The following DNAJC5B variants were observed in gnomAD, a reference collection of about 807,000 sequenced individuals.
DNAJC5B encodes the protein DnaJ heat shock protein family (Hsp40) member C5 beta.
In DNAJC5B, 23 loss-of-function variants were observed where a neutral mutation model predicts 24.7. The observed-to-expected ratio is 0.93, with a 90% CI of 0.67 to 1.32. The LOEUF (loss-of-function observed/expected upper bound fraction) is 1.32. Among genes scored for constraint, DNAJC5B ranks in the 40% most tolerant of loss-of-function variants. The probability of loss-of-function intolerance (pLI) is 0.00; values close to 1 mark genes in which losing one functional copy is unlikely to be tolerated. For synonymous variants in DNAJC5B, 101 were observed against 90.1 expected, an observed-to-expected ratio of 1.12 and a Z score of -0.68; for missense variants, 238 against 240.8, an observed-to-expected ratio of 0.99 and a Z score of 0.08.
intron 5 of DNAJC5B, among the ~76,000 whole-genome samples, chr8:66,087,388 A>T (rs1160550506): frequency 6.6e-6 from 1 of 152,148 alleles, no homozygotes; most frequent in East Asian, 1.9e-4. Context: ...TTTGATAGGG[A>T]CGCAGAGCCA....
At chr8:66,026,044 C>T (rs886496063) in intron 1 of DNAJC5B, among the ~76,000 whole-genome samples, 1 of 114,382 alleles carries the variant, frequency 8.7e-6, no homozygotes, top group Non-Finnish European at 1.6e-5. Flanking sequence ...ATTGATTCTT[C>T]CTACCCATGA....
At chr8:66,067,052 T>A (rs1329801591) in intron 3 of DNAJC5B, among the ~76,000 whole-genome samples, 1 of 152,104 alleles carries the variant, frequency 6.6e-6, no homozygotes, top group Non-Finnish European at 1.5e-5. Flanking sequence ...GGGATTAACA[T>A]ATAGTTGAAA....
chr8:66,032,801 T>C (rs1280677930), intron 1 of DNAJC5B, among the ~76,000 whole-genome samples: 2 of 152,206 alleles, frequency 1.3e-5, no homozygotes, highest in African/African-American at 4.8e-5. Flanking sequence ...TGTTCCTCAT[T>C]TTCCATTTCC....
At chr8:66,036,860 C>T (rs778379612) in intron 1 of DNAJC5B, among the ~76,000 whole-genome samples, 6 of 152,182 alleles carry the variant, frequency 3.9e-5, no homozygotes, top group Non-Finnish European at 8.8e-5. Flanking sequence ...GGGCCACTTG[C>T]TGGATGTTCA....
chr8:66,071,246 A>T lies in DNAJC5B; in HGVS notation c.120-5414A>T, dbSNP rs140195132. On this transcript the variant is annotated intron_variant, in intron 3 of 5. Coordinates refer to ENST00000276570, the MANE Select transcript of DNAJC5B (RefSeq NM_033105.6). ...GCTCTGCACAGCAAAAGAAACTAGC[A>T]TCAGAGTGAACAGGCAACCTACAGA... Among the ~76,000 whole-genome samples, 368 of 152,376 alleles carry T rather than the reference A, an allele frequency of 2.4e-3. 3 individuals carry two copies. In the South Asian group the frequency reaches 0.028, roughly 12 times the overall value.
chr8:66,100,130 TTCC>T lies in DNAJC5B; in HGVS notation c.*100_*102del. ...GTGGGGCATAAAGTGCTGTGAACTT[TTCC>T]ATCTTGTTGTTTTATTTTTGGGTTA... is the stretch of plus-strand genomic sequence containing the variant. On this transcript the variant is annotated 3_prime_UTR_variant, in exon 6 of 6. Coordinates refer to ENST00000276570, the MANE Select transcript of DNAJC5B (RefSeq NM_033105.6). The T allele has an allele frequency of 1.0e-6, 1 of 967,552 alleles. No individual in the cohort carries two copies. The highest frequency in any genetic ancestry group is 2.0e-5 in the South Asian group (1 of 49,444). 59.9% of individuals were successfully genotyped at this position (967,552 alleles called of 1,614,324 possible).
intron 1 of DNAJC5B, among the ~76,000 whole-genome samples, chr8:66,026,615 C>T (rs1269392762): frequency 6.6e-6 from 1 of 152,266 alleles, no homozygotes; most frequent in African/African-American, 2.4e-5. Flanking sequence ...CCCAGCCCAG[C>T]CCCCATGCCC....
At chr8:66,045,633 C>T (rs182702693) in intron 2 of DNAJC5B, among the ~76,000 whole-genome samples, 2 of 151,498 alleles carry the variant, frequency 1.3e-5, no homozygotes, top group African/African-American at 4.9e-5. Flanking sequence ...GAAAGACAGG[C>T]TCCAGGCTGT....
rs760013103 is a variant in DNAJC5B at position 66,099,991 on chromosome 8, TA to T, written c.562del (p.Ile188SerfsTer44). On this transcript the variant is annotated frameshift_variant, in exon 6 of 6. Coordinates refer to ENST00000276570, the MANE Select transcript of DNAJC5B (RefSeq NM_033105.6). LOFTEE classifies it high-confidence loss of function. ...QPTNANEKTQ[L>X]IKEGSRSYCT... ...ACAAATGCAAATGAGAAAACACAGC[TA>T]ATCAAAGAAGGATCTCGAAGTTATT... 1 of 1,614,050 alleles carries T rather than the reference TA, an allele frequency of 6.2e-7. No homozygotes were observed. The highest frequency in any genetic ancestry group is 2.2e-5 in the East Asian group (1 of 44,882).
chr8:66,073,934 A>G (rs891530144), intron 3 of DNAJC5B, among the ~76,000 whole-genome samples: 2 of 152,212 alleles, frequency 1.3e-5, no homozygotes, highest in Admixed American at 1.3e-4. Context: ...AAATTGGTTA[A>G]TTCAGTAAAT....
intron 4 of DNAJC5B, among the ~76,000 whole-genome samples, chr8:66,077,857 T>G (rs1807504893): frequency 6.6e-6 from 1 of 152,254 alleles, no homozygotes. Flanking sequence ...GTTCTGTTTC[T>G]CAGGGATACC....
intron 3 of DNAJC5B, among the ~76,000 whole-genome samples, chr8:66,067,855 C>A (rs1807255153): frequency 6.6e-6 from 1 of 152,178 alleles, no homozygotes; most frequent in Non-Finnish European, 1.5e-5. Flanking sequence ...TTGTCCCCAC[C>A]AAGTTCTGCT....
chr8:66,067,431 T>A (rs1473249739), intron 3 of DNAJC5B, among the ~76,000 whole-genome samples: 2 of 152,074 alleles, frequency 1.3e-5, no homozygotes, highest in Non-Finnish European at 2.9e-5. Context: ...TAGAAGGAAA[T>A]CTTCTGTGGT....
At chr8:66,076,602 G>T in intron 3 of DNAJC5B, 58 bp from the exon 4 acceptor site, 3 of 1,580,164 alleles carry the variant, frequency 1.9e-6, no homozygotes. Flanking sequence ...CTTCTAAAAC[G>T]CCATGGTTCA....
At chr8:66,022,895 T>C (rs954740916) in intron 1 of DNAJC5B, among the ~76,000 whole-genome samples, 5 of 152,220 alleles carry the variant, frequency 3.3e-5, no homozygotes, top group Admixed American at 1.3e-4. Context: ...TGGCCCAGTT[T>C]TTAGGCTTCC....
chr8:66,048,815 C>A (rs1316453456), intron 2 of DNAJC5B, among the ~76,000 whole-genome samples: 2 of 152,184 alleles, frequency 1.3e-5, no homozygotes, highest in East Asian at 1.9e-4. Flanking sequence ...CAGGCTTCAC[C>A]TTTTCTGCGA....
At chr8:66,090,942 A>G (rs1187051228) in intron 5 of DNAJC5B, among the ~76,000 whole-genome samples, 1 of 152,210 alleles carries the variant, frequency 6.6e-6, no homozygotes. Flanking sequence ...TGAAAATATC[A>G]AGCAAGCACC....
chr8:66,020,688 A>AGTGCAGTG (rs1368456471), upstream of DNAJC5B, among the ~76,000 whole-genome samples: 2 of 149,876 alleles, frequency 1.3e-5, no homozygotes. Flanking sequence ...TCCAGGCTGG[A>AGTGCAGTG]GTGCAGTGGT....
At position 66,045,854 on chromosome 8, in the gene DNAJC5B, C is replaced by T. The variant is rs144866906; in HGVS notation, c.-18+2243C>T. Among the ~76,000 whole-genome samples, 302 of 152,294 alleles carry T rather than the reference C, an allele frequency of 2.0e-3. 3 individuals carry two copies. Among genetic ancestry groups the T allele is most frequent in the African/African-American group, 6.9e-3 (288 of 41,564 alleles). On this transcript the variant is annotated intron_variant, in intron 2 of 5. Transcript: ENST00000276570. ...CAGGCACCCTCAACTCCAGAAACCT[C>T]GGAGTCTTCCTTTGTGAAAAGCATG...
Sources: gnomAD v4.1 joint callset for allele counts (sites outside exome capture counted in the v4.1 genomes callset) on GRCh38, gnomAD v4.1.1 for gene constraint, MANE v1.5 for transcripts, NCBI Gene and HGNC (gene_info 2026-07-23, HGNC 2026-07-21) for gene names.